ERBB4: variants seen among roughly 807,000 people sequenced by gnomAD.
ERBB4 encodes erb-b2 receptor tyrosine kinase 4, also known as receptor tyrosine-protein kinase erbB-4.
In ERBB4, 42 loss-of-function variants were observed where a neutral mutation model predicts 158.0. The ratio of observed to expected loss-of-function variants is 0.27; its 90% CI spans 0.21 to 0.34. The LOEUF is 0.34. ERBB4 is among the 10% of genes least tolerant of loss of function. ERBB4 has a pLI of 1.00. For missense variants in ERBB4, 1,333 were observed against 1,624.1 expected (o/e 0.82, Z 3.08); for synonymous variants, 583 against 558.7 (o/e 1.04, Z -0.61).
chr2:211,553,157 C>T (rs996476512), intron 20 of ERBB4, among the ~76,000 whole-genome samples: 10 of 151,798 alleles, frequency 6.6e-5, no homozygotes, highest in South Asian at 2.1e-4. Context: ...TTAGTAGAGA[C>T]GGGGTTTCAC....
At chr2:211,846,765 A>G (rs2077599262) in intron 3 of ERBB4, among the ~76,000 whole-genome samples, 1 of 152,118 alleles carries the variant, frequency 6.6e-6, no homozygotes. Context: ...CTAATTCGGC[A>G]TTTGCAAAGT....
At chr2:212,079,135 A>C (rs1174499374) in intron 2 of ERBB4, among the ~76,000 whole-genome samples, 3 of 151,228 alleles carry the variant, frequency 2.0e-5, no homozygotes, top group Admixed American at 6.6e-5. Flanking sequence ...TTTTATATAT[A>C]TGTATCAGAT....
intron 4 of ERBB4, among the ~76,000 whole-genome samples, chr2:211,758,112 G>A (rs1416880762): frequency 6.6e-6 from 1 of 152,186 alleles, no homozygotes; most frequent in East Asian, 1.9e-4. Context: ...TCATGTGATT[G>A]TAAGAAGGAC....
intron 1 of ERBB4, among the ~76,000 whole-genome samples, chr2:212,208,543 A>C (rs1195046092): frequency 2.6e-5 from 4 of 152,178 alleles, no homozygotes; most frequent in Non-Finnish European, 5.9e-5. Context: ...CCAGAGGAAA[A>C]TAGTTATGAT....
At chr2:212,231,785 CAA>C (rs1292731193) in intron 1 of ERBB4, among the ~76,000 whole-genome samples, 1 of 152,158 alleles carries the variant, frequency 6.6e-6, no homozygotes, top group African/African-American at 2.4e-5. Context: ...TTTATTTTGA[CAA>C]AGTCTTGCAA....
At chr2:211,449,781 G>C (rs2064197947) in intron 20 of ERBB4, among the ~76,000 whole-genome samples, 1 of 152,152 alleles carries the variant, frequency 6.6e-6, no homozygotes, top group African/African-American at 2.4e-5. Context: ...AGGATAACTT[G>C]ATTTCCATGT....
chr2:211,537,998 A>G (rs2066701972), intron 20 of ERBB4, among the ~76,000 whole-genome samples: 1 of 151,924 alleles, frequency 6.6e-6, no homozygotes, highest in Admixed American at 6.6e-5. Context: ...TGGAAATGAC[A>G]ATAATTTGAG....
intron 2 of ERBB4, among the ~76,000 whole-genome samples, chr2:212,027,103 T>C (rs959676935): frequency 1.3e-5 from 2 of 151,978 alleles, no homozygotes; most frequent in African/African-American, 4.8e-5. Flanking sequence ...TTATGTCCAG[T>C]TACTCATCCA....
intron 9 of ERBB4, among the ~76,000 whole-genome samples, chr2:211,708,592 A>ATT (rs1240151687): frequency 1.4e-5 from 2 of 145,462 alleles, no homozygotes; most frequent in African/African-American, 5.1e-5. Context: ...ATTGATTTTC[A>ATT]TTTCTCTCTG....
At chr2:211,539,082 T>A (rs2066730793) in intron 20 of ERBB4, among the ~76,000 whole-genome samples, 1 of 151,970 alleles carries the variant, frequency 6.6e-6, no homozygotes, top group Non-Finnish European at 1.5e-5. Flanking sequence ...CCTGGCTTTA[T>A]CTAACCTATA....
At chr2:211,626,699 C>T (rs549088632) in intron 17 of ERBB4, among the ~76,000 whole-genome samples, 5 of 152,022 alleles carry the variant, frequency 3.3e-5, no homozygotes, top group Admixed American at 3.3e-4. Flanking sequence ...CCGAGGCAGG[C>T]GGATCACGAG....
intron 2 of ERBB4, among the ~76,000 whole-genome samples, chr2:211,972,948 CTATCAA>C (rs2081496371): frequency 6.6e-6 from 1 of 152,026 alleles, no homozygotes; most frequent in Admixed American, 6.6e-5. Context: ...GCAAAAGAAA[CTATCAA>C]CAGAGTAAAC....
At chr2:211,707,270 A>C (rs937864371) in intron 9 of ERBB4, among the ~76,000 whole-genome samples, 4 of 152,164 alleles carry the variant, frequency 2.6e-5, no homozygotes, top group Non-Finnish European at 5.9e-5. Context: ...ACCCTTGTCA[A>C]ATAAGTTGAC....
At chr2:211,825,124 C>G (rs1005600357) in intron 3 of ERBB4, among the ~76,000 whole-genome samples, 1 of 151,808 alleles carries the variant, frequency 6.6e-6, no homozygotes, top group Admixed American at 6.6e-5. Flanking sequence ...AAGAAAAGGA[C>G]AGTCTATTCT....
rs534486221 is a variant in ERBB4, at chr2:211,716,362, C to CAAAAAAAAAAA, written c.884-2725_884-2715dup. On this transcript the variant is annotated intron_variant, in intron 7 of 27. Transcript: ENST00000342788. ...GGGCAACAACAGTGAAACTCTGTCTCAAAAAAAAAAAAAAAAAAAAAAAAA... is the reference window on the plus strand; with the variant it reads ...GGGCAACAACAGTGAAACTCTGTCTCAAAAAAAAAAAAAAAAAAAAAAAAAAAAAAAAAAAA... Among the ~76,000 whole-genome samples, 33 of 69,284 alleles carry CAAAAAAAAAAA rather than the reference C, an allele frequency of 4.8e-4. 2 individuals are homozygous for CAAAAAAAAAAA. Among genetic ancestry groups the CAAAAAAAAAAA allele is most frequent in the African/African-American group, 2.7e-3 (31 of 11,564 alleles). 45.5% of individuals were successfully genotyped at this position (69,284 alleles called of 152,430 possible).
At chr2:211,716,073 G>T (rs1049591008) in intron 7 of ERBB4, among the ~76,000 whole-genome samples, 1 of 152,144 alleles carries the variant, frequency 6.6e-6, no homozygotes, top group African/African-American at 2.4e-5. Context: ...TTTAGAAGCT[G>T]AATGTCCGAC....
intron 25 of ERBB4, among the ~76,000 whole-genome samples, chr2:211,416,214 C>G (rs1459067442): frequency 6.6e-6 from 1 of 152,090 alleles, no homozygotes; most frequent in Non-Finnish European, 1.5e-5. Flanking sequence ...TCAGCCACAT[C>G]AGTTTATTCA....
intron 2 of ERBB4, among the ~76,000 whole-genome samples, chr2:212,054,148 T>C (rs552024875): frequency 6.6e-6 from 1 of 152,256 alleles, no homozygotes; most frequent in East Asian, 1.9e-4. Context: ...TCCACTGTGC[T>C]ATGTGGAGTA....
intron 13 of ERBB4, among the ~76,000 whole-genome samples, chr2:211,676,342 T>G (rs2072069909): frequency 6.6e-6 from 1 of 152,172 alleles, no homozygotes; most frequent in African/African-American, 2.4e-5. Context: ...TAAGTTAATT[T>G]AACAGATTTG....
Sources: gnomAD v4.1 joint callset for allele counts (sites outside exome capture counted in the v4.1 genomes callset) on GRCh38, gnomAD v4.1.1 for gene constraint, MANE v1.5 for transcripts, NCBI Gene and HGNC (gene_info 2026-07-23, HGNC 2026-07-21) for gene names.